Variants in PTPRT observed in about 807,000 individuals in gnomAD.
The protein encoded by PTPRT is receptor-type tyrosine-protein phosphatase T.
In PTPRT, 56 loss-of-function variants were observed where a neutral mutation model predicts 176.8. That is an observed-to-expected ratio of 0.32 (90% CI 0.26 to 0.40). The LOEUF is 0.40. Ranked by LOEUF, PTPRT falls within the 10% of genes least tolerant of loss-of-function variation. PTPRT has a pLI of 1.00. For missense variants in PTPRT, 1,540 were observed against 1,908.2 expected, an observed-to-expected ratio of 0.81 and a Z score of 3.60; for synonymous variants, 783 against 739.0, an observed-to-expected ratio of 1.06 and a Z score of -0.96.
chr20:42,263,214 T>TTTTTC (rs1374097658), intron 13 of PTPRT, among the ~76,000 whole-genome samples: 1 of 151,606 alleles, frequency 6.6e-6, no homozygotes. Context: ...CTCTCTCTCT[T>TTTTTC]TTTTCTTTTC....
intron 7 of PTPRT, among the ~76,000 whole-genome samples, chr20:42,567,412 G>A (rs1319740243): frequency 6.6e-6 from 1 of 152,150 alleles, no homozygotes; most frequent in African/African-American, 2.4e-5. Context: ...CTCTTCACCT[G>A]TAAAGCTCCT....
chr20:42,046,214 C>T, the PTPRT span, among the ~76,000 whole-genome samples: 1 of 152,156 alleles, frequency 6.6e-6, no homozygotes, highest in African/African-American at 2.4e-5. Context: ...GTACCCCGAG[C>T]CTGCAAGTCT....
At position 42,269,893 on chromosome 20, in the gene PTPRT, A is replaced by C. The variant is rs555722872; in HGVS notation, c.2176+12596T>G. On this transcript the variant is annotated intron_variant, in intron 13 of 30. Coordinates refer to ENST00000373187, the MANE Select transcript of PTPRT (RefSeq NM_007050.6). ...TGAGAGCTTCTCATTTCCTAAGCAC[A>C]GAATTGTTATGTCAACTTTTTTCCC... is the stretch of plus-strand genomic sequence containing the variant. Among the ~76,000 whole-genome samples the C allele has an allele frequency of 3.8e-4, 58 of 152,342 alleles. 1 individual carries two copies. Among genetic ancestry groups the C allele is most frequent in the African/African-American group, 1.3e-3 (54 of 41,586 alleles).
At chr20:42,275,134 CT>C (rs1265895763) in intron 13 of PTPRT, among the ~76,000 whole-genome samples, 4 of 152,244 alleles carry the variant, frequency 2.6e-5, no homozygotes, top group African/African-American at 9.6e-5. Flanking sequence ...TGTCATCACA[CT>C]GAAACCTTGT....
At chr20:42,922,700 T>C (rs543811252) in intron 1 of PTPRT, among the ~76,000 whole-genome samples, 71 of 152,324 alleles carry the variant, frequency 4.7e-4, no homozygotes, top group African/African-American at 1.6e-3. Context: ...TTGTGTTCCA[T>C]CTAGGATGAT....
At chr20:42,182,819 C>G (rs1033981935) in intron 16 of PTPRT, among the ~76,000 whole-genome samples, 6 of 151,870 alleles carry the variant, frequency 4.0e-5, no homozygotes, top group Non-Finnish European at 1.5e-5. Flanking sequence ...AATGGAATGC[C>G]GTAGAACACC....
intron 8 of PTPRT, among the ~76,000 whole-genome samples, chr20:42,460,125 G>T (rs1419260353): frequency 7.2e-5 from 11 of 152,194 alleles, no homozygotes; most frequent in Non-Finnish European, 1.5e-5. Context: ...TAGGTGGAGA[G>T]GTTGAGGAGA....
chr20:42,085,610 G>T (rs1983809323), intron 28 of PTPRT, 118 bp downstream of exon 28: 1 of 1,443,072 alleles, frequency 6.9e-7, no homozygotes, highest in Non-Finnish European at 9.5e-7. Context: ...CCTCAAGGAA[G>T]AAATTATCAG....
intron 9 of PTPRT, among the ~76,000 whole-genome samples, chr20:42,418,060 A>G (rs2059083005): frequency 6.6e-6 from 1 of 152,150 alleles, no homozygotes; most frequent in Admixed American, 6.5e-5. Flanking sequence ...TCATTACGCA[A>G]ATAAGGAAAC....
intron 1 of PTPRT, among the ~76,000 whole-genome samples, chr20:43,093,787 A>G (rs543978224): frequency 6.6e-6 from 1 of 152,090 alleles, no homozygotes; most frequent in East Asian, 1.9e-4. Context: ...TTGACCCAGT[A>G]TGTACCAGCC....
intron 1 of PTPRT, among the ~76,000 whole-genome samples, chr20:43,036,624 A>C (rs1440570316): frequency 6.6e-6 from 1 of 152,234 alleles, no homozygotes; most frequent in Non-Finnish European, 1.5e-5. Context: ...ACAATGGAAT[A>C]AAATCTGAAG....
chr20:42,130,199 T>C (rs543062763), intron 18 of PTPRT, among the ~76,000 whole-genome samples: 1 of 152,300 alleles, frequency 6.6e-6, no homozygotes, highest in Admixed American at 6.5e-5. Context: ...TGAGAAGTGG[T>C]TGCCTGGGTT....
At chr20:43,048,358 G>C (rs1303202228) in intron 1 of PTPRT, among the ~76,000 whole-genome samples, 1 of 152,188 alleles carries the variant, frequency 6.6e-6, no homozygotes, top group Non-Finnish European at 1.5e-5. Context: ...TGGTTATTAA[G>C]TCCCTTTCTG....
In PTPRT at chr20:42,692,033, G is replaced by T. The variant is rs550792882; in HGVS notation, c.860-13874C>A. Among the ~76,000 whole-genome samples the T allele has an allele frequency of 2.0e-4, 31 of 152,272 alleles. 1 individual carries two copies. In the South Asian group the frequency reaches 6.0e-3, roughly 30 times the overall value. ...ATGACATATACAGTGATTTCCAAGG[G>T]CCCATAGAAAGCAAGTCTTTAGCTA... is the stretch of plus-strand genomic sequence containing the variant. On this transcript the variant is annotated intron_variant, in intron 6 of 30. Coordinates refer to ENST00000373187, the MANE Select transcript of PTPRT (RefSeq NM_007050.6).
At position 42,505,743 on chromosome 20, in the gene PTPRT, T is replaced by C. The variant is rs188904418; in HGVS notation, c.1154-33181A>G. 7.9e-4 allele frequency among the ~76,000 whole-genome samples: 120 copies of C among 152,308 alleles called. 1 individual carries two copies. Among genetic ancestry groups the C allele is most frequent in the African/African-American group, 2.6e-3 (109 of 41,580 alleles). On this transcript the variant is annotated intron_variant, in intron 7 of 30. Coordinates refer to ENST00000373187, the MANE Select transcript of PTPRT (RefSeq NM_007050.6). ...CTACTGGCTTAAATGTGAAAATTAATGCATCTCTGCAAATCAAGCTGTGGC... is the reference window on the plus strand; with the variant it reads ...CTACTGGCTTAAATGTGAAAATTAACGCATCTCTGCAAATCAAGCTGTGGC...
intron 1 of PTPRT, among the ~76,000 whole-genome samples, chr20:43,120,944 C>T (rs1026349186): frequency 2.0e-5 from 3 of 152,174 alleles, no homozygotes; most frequent in African/African-American, 7.2e-5. Context: ...CGATAACTGC[C>T]AGCCAGGTCA....
chr20:42,373,647 G>A (rs2058615756), intron 9 of PTPRT, among the ~76,000 whole-genome samples: 1 of 152,202 alleles, frequency 6.6e-6, no homozygotes, highest in African/African-American at 2.4e-5. Flanking sequence ...TACATATAGA[G>A]GCGTCTCATT....
chr20:42,296,907 C>A (rs1364206449), intron 12 of PTPRT, among the ~76,000 whole-genome samples: 1 of 151,940 alleles, frequency 6.6e-6, no homozygotes, highest in Admixed American at 6.6e-5. Context: ...ATATCACATG[C>A]CTGTATCAAA....
At chr20:42,162,861 C>G (rs148984848) in intron 16 of PTPRT, among the ~76,000 whole-genome samples, 1 of 152,230 alleles carries the variant, frequency 6.6e-6, no homozygotes, top group African/African-American at 2.4e-5. Flanking sequence ...TGAATGCACA[C>G]TCTACTTCTC....
Sources: gnomAD v4.1 joint callset for allele counts (sites outside exome capture counted in the v4.1 genomes callset) on GRCh38, gnomAD v4.1.1 for gene constraint, MANE v1.5 for transcripts, NCBI Gene and HGNC (gene_info 2026-07-23, HGNC 2026-07-21) for gene names.